UVRAG: variants seen among roughly 807,000 people sequenced by gnomAD.
UVRAG encodes UV radiation resistance-associated gene protein.
UVRAG carries 19 observed loss-of-function variants against 78.0 expected under a neutral mutation model. The observed-to-expected ratio is 0.24, with a 90% CI of 0.17 to 0.36. The LOEUF (loss-of-function observed/expected upper bound fraction) is 0.36, where lower values mean the gene tolerates loss of function less well. Among genes scored for constraint, UVRAG ranks in the 10% least tolerant of loss-of-function variants. The pLI is 1.00. For missense variants in UVRAG, 740 were observed against 853.8 expected (o/e 0.87, Z 1.66); for synonymous variants, 323 against 324.6 (o/e 1.00, Z 0.05).
intron 3 of UVRAG, among the ~76,000 whole-genome samples, chr11:75,874,921 TA>T (rs1946733418): frequency 6.6e-6 from 1 of 152,204 alleles, no homozygotes; most frequent in Non-Finnish European, 1.5e-5. Context: ...CGTGATTCTT[TA>T]AAGCCATTCC....
At chr11:76,004,708 C>G (rs1949893535) in intron 9 of UVRAG, among the ~76,000 whole-genome samples, 1 of 152,116 alleles carries the variant, frequency 6.6e-6, no homozygotes, top group South Asian at 2.1e-4. Context: ...TCACTATGGC[C>G]TCGAACTTCT....
chr11:75,905,687 CAT>C (rs374655809), intron 5 of UVRAG, among the ~76,000 whole-genome samples: 21 of 152,162 alleles, frequency 1.4e-4, no homozygotes, highest in African/African-American at 4.3e-4. Flanking sequence ...CACACACACA[CAT>C]TTTGTTTATT....
intron 1 of UVRAG, among the ~76,000 whole-genome samples, chr11:75,828,805 A>ATTTTTTT (rs1251955061): frequency 3.0e-5 from 3 of 100,274 alleles, no homozygotes; most frequent in Non-Finnish European, 5.6e-5. Context: ...ATATATATAT[A>ATTTTTTT]TTTTTTTTTT....
At chr11:76,114,476 C>T (rs186463730) in intron 13 of UVRAG, among the ~76,000 whole-genome samples, 7 of 152,158 alleles carry the variant, frequency 4.6e-5, no homozygotes, top group Non-Finnish European at 8.8e-5. Context: ...TTGAACCATG[C>T]GGCCCTGGAT....
intron 1 of UVRAG, among the ~76,000 whole-genome samples, chr11:75,850,103 A>T (rs1252044648): frequency 6.6e-6 from 1 of 151,774 alleles, no homozygotes; most frequent in East Asian, 1.9e-4. Flanking sequence ...GGCTGAAGTT[A>T]CAAAGTTACA....
chr11:76,004,060 T>C lies in UVRAG; in HGVS notation c.882T>C (p.Asn294=). 6.2e-7 allele frequency: 1 copy of C among 1,613,948 alleles called. No individual in the cohort carries two copies. The highest frequency in any genetic ancestry group is 8.5e-7 in the Non-Finnish European group (1 of 1,179,888). ...TTCAACTCCAGAAGGAATCCCTAAA[T>C]GAGCTGAGGAAGGAGTGCACTGCAA... ...LKLQLQKESL[N]ELRKECTAKR... is the part of the protein sequence containing the mutation. Residue 294 remains asparagine, a synonymous_variant, in exon 9 of 15, where the codon AAT becomes AAC. Transcript: ENST00000356136.
chr11:75,917,798 T>TA (rs1947890229), intron 6 of UVRAG, among the ~76,000 whole-genome samples: 1 of 152,234 alleles, frequency 6.6e-6, no homozygotes, highest in Admixed American at 6.5e-5. Flanking sequence ...CCCTTGGTGA[T>TA]AGATATAGTT....
In UVRAG at chr11:75,834,878, A is replaced by G. The variant is rs1372973272; in HGVS notation, c.118-17005A>G. The stretch of plus-strand genomic sequence containing the variant: ...ACTTTTTGTAGCAAAGGGTCTCACT[A>G]TGTTGCCCAGCCTGGTCTGGAACTC... On this transcript the variant is annotated intron_variant, in intron 1 of 14. Coordinates refer to ENST00000356136, the MANE Select transcript of UVRAG (RefSeq NM_003369.4). Among the ~76,000 whole-genome samples the G allele has an allele frequency of 2.6e-5, 4 of 152,150 alleles. No homozygotes were observed. The East Asian group carries it at 7.7e-4, about 29-fold the overall frequency.
At chr11:75,944,252 C>T (rs1043816114) in intron 6 of UVRAG, among the ~76,000 whole-genome samples, 4 of 152,152 alleles carry the variant, frequency 2.6e-5, no homozygotes, top group Admixed American at 2.6e-4. Flanking sequence ...AATGCTGTCT[C>T]CTTTAATGAG....
chr11:75,978,701 C>G (rs1211230737), intron 7 of UVRAG, among the ~76,000 whole-genome samples: 1 of 152,182 alleles, frequency 6.6e-6, no homozygotes, highest in South Asian at 2.1e-4. Flanking sequence ...GTTCTTATGT[C>G]ATGGTTTACA....
chr11:76,121,099 T>C (rs1359189756), intron 14 of UVRAG, among the ~76,000 whole-genome samples: 1 of 152,204 alleles, frequency 6.6e-6, no homozygotes, highest in Non-Finnish European at 1.5e-5. Flanking sequence ...TGACAGCTTG[T>C]TTTGTTTTAT....
intron 12 of UVRAG, among the ~76,000 whole-genome samples, chr11:76,062,917 G>A (rs1951120756): frequency 6.6e-6 from 1 of 152,038 alleles, no homozygotes; most frequent in South Asian, 2.1e-4. Flanking sequence ...CTGAACATAG[G>A]TCTCTCGGTA....
At chr11:75,885,294 T>C (rs1172954300) in intron 4 of UVRAG, among the ~76,000 whole-genome samples, 1 of 152,122 alleles carries the variant, frequency 6.6e-6, no homozygotes, top group Non-Finnish European at 1.5e-5. Flanking sequence ...ACTTGCGTGT[T>C]ATGGAAGAAA....
intron 3 of UVRAG, chr11:75,878,279 C>G (rs1293680611): frequency 1.5e-5 from 3 of 199,650 alleles, no homozygotes; most frequent in East Asian, 1.7e-4. Context: ...CGGGCAGAGA[C>G]GCTCCTCACT....
intron 13 of UVRAG, among the ~76,000 whole-genome samples, chr11:76,104,716 ATTAC>A (rs1951940674): frequency 6.6e-6 from 1 of 152,310 alleles, no homozygotes; most frequent in Non-Finnish European, 1.5e-5. Flanking sequence ...GTAATTATTT[ATTAC>A]TTGTTGAATT....
chr11:75,997,930 G>A (rs895834383), intron 8 of UVRAG, among the ~76,000 whole-genome samples: 2 of 152,156 alleles, frequency 1.3e-5, no homozygotes, highest in Non-Finnish European at 2.9e-5. Context: ...TAAACATAAT[G>A]GATTCCTGAC....
chr11:76,022,541 T>C (rs142391706), intron 12 of UVRAG, among the ~76,000 whole-genome samples: 2 of 152,344 alleles, frequency 1.3e-5, no homozygotes, highest in East Asian at 1.9e-4. Flanking sequence ...TTTTGCCTCT[T>C]ATAACAACTT....
intron 12 of UVRAG, among the ~76,000 whole-genome samples, chr11:76,025,596 CT>C (rs1411559486): frequency 6.6e-6 from 1 of 152,094 alleles, no homozygotes; most frequent in Non-Finnish European, 1.5e-5. Context: ...AATGGTAATG[CT>C]GTTTCCTTGA....
chr11:75,830,231 C>T (rs1347879167), intron 1 of UVRAG, among the ~76,000 whole-genome samples: 1 of 152,008 alleles, frequency 6.6e-6, no homozygotes, highest in Non-Finnish European at 1.5e-5. Context: ...CTTGGAATGC[C>T]AGAATATCTT....
Sources: gnomAD v4.1 joint callset for allele counts (sites outside exome capture counted in the v4.1 genomes callset) on GRCh38, gnomAD v4.1.1 for gene constraint, MANE v1.5 for transcripts, NCBI Gene and HGNC (gene_info 2026-07-23, HGNC 2026-07-21) for gene names.